ACTN2: variants seen among roughly 807,000 people sequenced by gnomAD.
ACTN2 encodes the protein actinin alpha 2.
In ACTN2, 39 loss-of-function variants were observed where a neutral mutation model predicts 113.8. The ratio of observed to expected loss-of-function variants is 0.34; its 90% CI spans 0.27 to 0.45. The LOEUF (loss-of-function observed/expected upper bound fraction) is 0.45. ACTN2 is among the 20% of genes least tolerant of loss of function. The pLI is 1.00. For synonymous variants in ACTN2, 429 were observed against 444.1 expected, an observed-to-expected ratio of 0.97 and a Z score of 0.43; for missense variants, 992 against 1,177.9, an observed-to-expected ratio of 0.84 and a Z score of 2.31.
At chr1:236,727,185 G>GA (rs3835676) in intron 5 of ACTN2, among the ~76,000 whole-genome samples, 4 of 151,506 alleles carry the variant, frequency 2.6e-5, no homozygotes, top group South Asian at 2.1e-4. Flanking sequence ...AAAAGAAAAA[G>GA]AAAAAAAAAA....
intron 1 of ACTN2, among the ~76,000 whole-genome samples, chr1:236,709,218 CTG>C (rs200979652): frequency 1.7e-5 from 1 of 57,294 alleles, no homozygotes; most frequent in Non-Finnish European, 3.3e-5. Context: ...TGACAAATGA[CTG>C]TATATATATA....
chr1:236,688,209 A>G (rs1046824674), intron 1 of ACTN2, among the ~76,000 whole-genome samples: 10 of 152,004 alleles, frequency 6.6e-5, no homozygotes, highest in Non-Finnish European at 1.3e-4. Flanking sequence ...GAATTTCCCC[A>G]AATTTTGATT....
At chr1:236,701,245 A>G (rs1004218810) in intron 1 of ACTN2, among the ~76,000 whole-genome samples, 3 of 152,192 alleles carry the variant, frequency 2.0e-5, no homozygotes, top group Non-Finnish European at 4.4e-5. Context: ...TTGACACCCA[A>G]GTGACTTTTT....
At chr1:236,730,817 C>A (rs763771020) in intron 6 of ACTN2, among the ~76,000 whole-genome samples, 1 of 152,180 alleles carries the variant, frequency 6.6e-6, no homozygotes, top group Non-Finnish European at 1.5e-5. Flanking sequence ...TTTCTTTCAT[C>A]TCTTTACCCC....
At chr1:236,735,864 T>G in intron 8 of ACTN2, 144 bp downstream of exon 8, 1 of 803,012 alleles carries the variant, frequency 1.2e-6, no homozygotes, top group South Asian at 1.5e-5. Flanking sequence ...TATGGCAAGT[T>G]CTAAACTGTG....
chr1:236,717,361 T>C (rs1658251295), intron 1 of ACTN2, among the ~76,000 whole-genome samples: 1 of 152,016 alleles, frequency 6.6e-6, no homozygotes, highest in Non-Finnish European at 1.5e-5. Flanking sequence ...CAGTTGAGCC[T>C]GGGAGGTTGA....
intron 13 of ACTN2, 128 bp from the exon 14 acceptor site, chr1:236,748,996 T>C (rs1180927210): frequency 2.7e-6 from 3 of 1,099,230 alleles, no homozygotes; most frequent in Non-Finnish European, 4.0e-6. Context: ...GGGTAATCTT[T>C]TGTAGACACA....
At chr1:236,757,710 T>C in intron 18 of ACTN2, 78 bp downstream of exon 18, 1 of 1,577,316 alleles carries the variant, frequency 6.3e-7, no homozygotes, top group Non-Finnish European at 8.7e-7. Context: ...ATGCTCTCGT[T>C]TTAAGTCTTA....
intron 15 of ACTN2, 105 bp downstream of exon 15, chr1:236,751,757 A>C: frequency 7.3e-7 from 1 of 1,367,626 alleles, no homozygotes; most frequent in Non-Finnish European, 1.0e-6. Flanking sequence ...CTCATTTTGC[A>C]TCATGATCAG....
chr1:236,729,933 C>T (rs969816980), intron 6 of ACTN2, among the ~76,000 whole-genome samples: 49 of 152,262 alleles, frequency 3.2e-4, no homozygotes, highest in African/African-American at 1.0e-3. Context: ...AATACAATAG[C>T]AAGTAATACT....
chr1:236,692,856 A>G (rs557326071), intron 1 of ACTN2, among the ~76,000 whole-genome samples: 17 of 152,266 alleles, frequency 1.1e-4, no homozygotes, highest in African/African-American at 4.1e-4. Flanking sequence ...CAGCCTCAGA[A>G]AACTGTCAGA....
chr1:236,694,380 G>T (rs12730785), intron 1 of ACTN2, among the ~76,000 whole-genome samples: 1 of 151,614 alleles, frequency 6.6e-6, no homozygotes, highest in Non-Finnish European at 1.5e-5. Flanking sequence ...TTGCCACCAC[G>T]CCCGGCTAAT....
chr1:236,729,911 C>T (rs1430763796), intron 6 of ACTN2, among the ~76,000 whole-genome samples: 1 of 152,142 alleles, frequency 6.6e-6, no homozygotes, highest in Non-Finnish European at 1.5e-5. Context: ...TTTAAGAAAG[C>T]AGAAAAATGA....
At chr1:236,744,046 G>A (rs1386956224) in intron 11 of ACTN2, among the ~76,000 whole-genome samples, 1 of 152,160 alleles carries the variant, frequency 6.6e-6, no homozygotes, top group Non-Finnish European at 1.5e-5. Context: ...GATAAATGTG[G>A]ATCCACTCGT....
rs1025237694 is a variant in ACTN2, at chr1:236,686,556, C to G, written c.-118C>G. 2 of 1,219,042 alleles carry G rather than the reference C, an allele frequency of 1.6e-6. No individual in the cohort carries two copies. The highest frequency in any genetic ancestry group is 3.3e-5 in the African/African-American group (2 of 61,534). The allele number at this position is 1,219,042 out of a possible 1,614,324, so 75.5% of individuals were successfully genotyped here. On this transcript the variant is annotated 5_prime_UTR_variant, in exon 1 of 21. Coordinates refer to ENST00000366578, the MANE Select transcript of ACTN2 (RefSeq NM_001103.4). ...AGGCGTGTCGCCCCGAGAGGAGCCGCGCGAAGGTCACCCCGCGCCCGCCGC... is the reference window on the plus strand; with the variant it reads ...AGGCGTGTCGCCCCGAGAGGAGCCGGGCGAAGGTCACCCCGCGCCCGCCGC...
chr1:236,745,902 G>A (rs955460782), intron 12 of ACTN2, among the ~76,000 whole-genome samples: 3 of 152,012 alleles, frequency 2.0e-5, no homozygotes, highest in Non-Finnish European at 4.4e-5. Flanking sequence ...AGTGGCTCAC[G>A]CCTGTAACCC....
At chr1:236,735,420 TA>T (rs1329154842) in intron 7 of ACTN2, among the ~76,000 whole-genome samples, 2 of 152,128 alleles carry the variant, frequency 1.3e-5, no homozygotes, top group South Asian at 2.1e-4. Context: ...GTTTGATCCT[TA>T]AAAAACATGC....
At chr1:236,735,238 G>A (rs1239207599) in intron 7 of ACTN2, among the ~76,000 whole-genome samples, 1 of 152,198 alleles carries the variant, frequency 6.6e-6, no homozygotes, top group Non-Finnish European at 1.5e-5. Flanking sequence ...ATCTTGCAAA[G>A]TGACCTGCGT....
chr1:236,706,262 A>G (rs1317938082), intron 1 of ACTN2, among the ~76,000 whole-genome samples: 1 of 152,160 alleles, frequency 6.6e-6, no homozygotes, highest in African/African-American at 2.4e-5. Flanking sequence ...ATTAAAAAAA[A>G]TGTTGACTTG....
Sources: gnomAD v4.1 joint callset for allele counts (sites outside exome capture counted in the v4.1 genomes callset) on GRCh38, gnomAD v4.1.1 for gene constraint, MANE v1.5 for transcripts, NCBI Gene and HGNC (gene_info 2026-07-23, HGNC 2026-07-21) for gene names.